The following LUZP2 variants were observed in gnomAD, a reference collection of about 807,000 sequenced individuals.
LUZP2 encodes leucine zipper protein 2.
In LUZP2, 52 loss-of-function variants were observed where a neutral mutation model predicts 51.6. The ratio of observed to expected loss-of-function variants is 1.01; its 90% CI spans 0.81 to 1.27. The LOEUF (loss-of-function observed/expected upper bound fraction) is 1.27, where lower values mean the gene tolerates loss of function less well. Among genes scored for constraint, LUZP2 ranks in the 50% most tolerant of loss-of-function variants. The pLI is 0.00. For missense variants in LUZP2, 436 were observed against 395.4 expected (o/e 1.10, Z -0.87); for synonymous variants, 154 against 137.3 (o/e 1.12, Z -0.85).
At chr11:24,937,126 C>T (rs1385695858) in intron 7 of LUZP2, among the ~76,000 whole-genome samples, 1 of 151,932 alleles carries the variant, frequency 6.6e-6, no homozygotes, top group Non-Finnish European at 1.5e-5. Flanking sequence ...TTACATGCTT[C>T]AAGGGACAAA....
chr11:24,837,645 A>G (rs1375961511), intron 5 of LUZP2, among the ~76,000 whole-genome samples: 1 of 151,740 alleles, frequency 6.6e-6, no homozygotes, highest in African/African-American at 2.4e-5. Context: ...CTTTGAGGAC[A>G]GAAAGACAGA....
intron 1 of LUZP2, among the ~76,000 whole-genome samples, chr11:24,632,076 A>G (rs1051283404): frequency 1.3e-5 from 2 of 151,998 alleles, no homozygotes; most frequent in African/African-American, 4.8e-5. Flanking sequence ...AGGATTTTAT[A>G]TTAGTTTTCA....
chr11:24,538,477 A>G (rs1184250625), intron 1 of LUZP2, among the ~76,000 whole-genome samples: 1 of 151,746 alleles, frequency 6.6e-6, no homozygotes, highest in Non-Finnish European at 1.5e-5. Context: ...GGGGTGATAA[A>G]AGTTTTCTAA....
intron 1 of LUZP2, among the ~76,000 whole-genome samples, chr11:24,698,547 G>C (rs1167254999): frequency 6.6e-6 from 1 of 152,114 alleles, no homozygotes; most frequent in East Asian, 1.9e-4. Context: ...TTGAAAGCTT[G>C]GCTCTTGTCT....
chr11:25,049,570 T>C (rs1040457436), intron 9 of LUZP2, among the ~76,000 whole-genome samples: 2 of 152,148 alleles, frequency 1.3e-5, no homozygotes, highest in African/African-American at 2.4e-5. Flanking sequence ...TTAGTATACA[T>C]ATTGGAGTTA....
At position 24,911,984 on chromosome 11, in the gene LUZP2, A is replaced by T. The variant is rs557074146; in HGVS notation, c.460-2492A>T. On this transcript the variant is annotated intron_variant, in intron 6 of 11. Coordinates refer to ENST00000336930, the MANE Select transcript of LUZP2 (RefSeq NM_001009909.4). ...AGAAAGGTGACTTTCTATGGAAATG[A>T]AAACAAATCAATTACCCTGTGAGAA... is the stretch of plus-strand genomic sequence containing the variant. Among the ~76,000 whole-genome samples the T allele has an allele frequency of 3.9e-5, 6 of 152,316 alleles. No homozygotes were observed. In the South Asian group the frequency reaches 1.2e-3, roughly 32 times the overall value.
At chr11:24,898,119 ACTC>A (rs993980254) in intron 5 of LUZP2, among the ~76,000 whole-genome samples, 1 of 152,142 alleles carries the variant, frequency 6.6e-6, no homozygotes, top group African/African-American at 2.4e-5. Context: ...AAATTGTACA[ACTC>A]CTATTCATAC....
intron 5 of LUZP2, among the ~76,000 whole-genome samples, chr11:24,769,646 G>A (rs75313261): frequency 0.078 from 11,700 of 150,390 alleles, 1,003 homozygotes; most frequent in African/African-American, 0.21. Flanking sequence ...GAAAGATGGA[G>A]GAGATGGGGC....
intron 7 of LUZP2, among the ~76,000 whole-genome samples, chr11:24,969,933 C>G (rs1227452860): frequency 6.6e-6 from 1 of 152,084 alleles, no homozygotes; most frequent in Non-Finnish European, 1.5e-5. Flanking sequence ...CACACGCATA[C>G]ACTTTCTCTT....
chr11:24,945,861 T>A (rs1590760047), intron 7 of LUZP2, among the ~76,000 whole-genome samples: 1 of 152,078 alleles, frequency 6.6e-6, no homozygotes, highest in East Asian at 1.9e-4. Flanking sequence ...AATGTACAAT[T>A]CTATGTTTTA....
intron 1 of LUZP2, among the ~76,000 whole-genome samples, chr11:24,726,847 C>A (rs1858497250): frequency 6.6e-6 from 1 of 152,058 alleles, no homozygotes; most frequent in African/African-American, 2.4e-5. Context: ...AACATACACT[C>A]ATTTGTAAAT....
chr11:24,776,706 T>C (rs1848936002), intron 5 of LUZP2, among the ~76,000 whole-genome samples: 1 of 152,158 alleles, frequency 6.6e-6, no homozygotes, highest in African/African-American at 2.4e-5. Context: ...GGATCTTCAC[T>C]CTTCATCTTT....
intron 5 of LUZP2, among the ~76,000 whole-genome samples, chr11:24,859,513 G>A (rs1851669510): frequency 6.6e-6 from 1 of 152,076 alleles, no homozygotes. Context: ...ATCACTAAAA[G>A]CACAGTTGAC....
chr11:24,999,253 C>G (rs1211856440), intron 9 of LUZP2, among the ~76,000 whole-genome samples: 1 of 151,782 alleles, frequency 6.6e-6, no homozygotes, highest in African/African-American at 2.4e-5. Context: ...TAAAAACCAG[C>G]AGAAATGATA....
chr11:24,766,749 G>A (rs1472438764), intron 5 of LUZP2, among the ~76,000 whole-genome samples: 1 of 152,056 alleles, frequency 6.6e-6, no homozygotes, highest in Non-Finnish European at 1.5e-5. Context: ...AAAAAAAATT[G>A]TATTTACACT....
At chr11:24,582,254 C>G (rs1590206364) in intron 1 of LUZP2, among the ~76,000 whole-genome samples, 1 of 142,562 alleles carries the variant, frequency 7.0e-6, no homozygotes, top group South Asian at 2.2e-4. Context: ...ACAGACAGTT[C>G]TCACATTTTT....
chr11:24,860,733 A>T (rs1257873157), intron 5 of LUZP2, among the ~76,000 whole-genome samples: 1 of 152,162 alleles, frequency 6.6e-6, no homozygotes, highest in African/African-American at 2.4e-5. Flanking sequence ...AAAGAAAGAC[A>T]AACAGGCAGA....
intron 1 of LUZP2, among the ~76,000 whole-genome samples, chr11:24,505,058 G>A (rs1047717355): frequency 1.3e-5 from 2 of 152,080 alleles, no homozygotes; most frequent in African/African-American, 2.4e-5. Context: ...AGTGGGCAGT[G>A]ACTCGCTGTC....
At chr11:24,926,590 T>A (rs1014259888) in intron 7 of LUZP2, among the ~76,000 whole-genome samples, 1 of 148,138 alleles carries the variant, frequency 6.8e-6, no homozygotes, top group Non-Finnish European at 1.5e-5. Flanking sequence ...TATATATGTG[T>A]GTATATATAT....
Sources: allele counts gnomAD v4.1 joint callset (sites outside exome capture counted in the v4.1 genomes callset), GRCh38; gene constraint gnomAD v4.1.1; transcripts MANE v1.5; gene names NCBI Gene and HGNC (gene_info 2026-07-23, HGNC 2026-07-21).